Variants in CMTM4 observed in about 807,000 individuals in gnomAD.
CMTM4 encodes CKLF-like MARVEL transmembrane domain-containing protein 4.
CMTM4 carries 8 observed loss-of-function variants against 19.0 expected under a neutral mutation model. That is an observed-to-expected ratio of 0.42 (90% CI 0.25 to 0.76). The LOEUF (loss-of-function observed/expected upper bound fraction) is 0.76. Among genes scored for constraint, CMTM4 ranks in the 30% least tolerant of loss-of-function variants. The pLI is 0.27. For missense variants in CMTM4, 228 were observed against 290.2 expected, an observed-to-expected ratio of 0.79 and a Z score of 1.56; for synonymous variants, 106 against 121.1, an observed-to-expected ratio of 0.88 and a Z score of 0.82.
the CMTM4 span, among the ~76,000 whole-genome samples, chr16:66,601,501 GC>G: frequency 1.3e-5 from 2 of 152,154 alleles, no homozygotes; most frequent in Admixed American, 1.3e-4. Flanking sequence ...GGAAGTGTGA[GC>G]CCAGTTGATC....
chr16:66,651,450 C>T (rs1411070936), intron 1 of CMTM4, among the ~76,000 whole-genome samples: 1 of 152,196 alleles, frequency 6.6e-6, no homozygotes. Flanking sequence ...AAGGAAGCTA[C>T]AGGGCTCTGC....
At chr16:66,629,951 G>C (rs988083598) in intron 2 of CMTM4, among the ~76,000 whole-genome samples, 30 of 152,152 alleles carry the variant, frequency 2.0e-4, no homozygotes, top group African/African-American at 7.2e-4. Flanking sequence ...TTCCTGAGTT[G>C]TATCGTTTAA....
chr16:66,661,022 A>G (rs1394442960), intron 1 of CMTM4, among the ~76,000 whole-genome samples: 1 of 152,226 alleles, frequency 6.6e-6, no homozygotes, highest in East Asian at 1.9e-4. Context: ...ACAGGCATCT[A>G]CGAAACAGTC....
In CMTM4 at chr16:66,630,324, CCTCCCT is replaced by C. The variant is rs1344871923; in HGVS notation, c.363+6075_363+6080del. On this transcript the variant is annotated intron_variant, in intron 2 of 3. Coordinates refer to ENST00000394106, the MANE Select transcript of CMTM4 (RefSeq NM_181521.3). ...CCTCCCCCTCACCCTCCCCCTCCCCCCTCCCTCTCCCTCTCCCCACAGTCTCCCTCT... is the reference window on the plus strand; with the variant it reads ...CCTCCCCCTCACCCTCCCCCTCCCCCCTCCCTCTCCCCACAGTCTCCCTCT... Among the ~76,000 whole-genome samples, 815 of 105,238 alleles carry C rather than the reference CCTCCCT, an allele frequency of 7.7e-3. 10 individuals carry two copies. Among genetic ancestry groups the C allele is most frequent in the Middle Eastern group, 0.014 (3 of 218 alleles). 69.0% of individuals were successfully genotyped at this position (105,238 alleles called of 152,430 possible). A position where few individuals can be genotyped will look rare whatever the true frequency, so the allele number is the denominator to read the frequency against.
the CMTM4 span, among the ~76,000 whole-genome samples, chr16:66,600,338 T>C: frequency 2.0e-5 from 3 of 151,950 alleles, no homozygotes; most frequent in African/African-American, 7.3e-5. Context: ...AGAGACAGGG[T>C]TTCACCATGT....
intron 1 of CMTM4, 87 bp from the exon 2 acceptor site, chr16:66,636,668 GAAC>G: frequency 9.3e-7 from 1 of 1,076,820 alleles, no homozygotes; most frequent in Non-Finnish European, 1.4e-6. Flanking sequence ...ATATAACACT[GAAC>G]AACAACATAC....
At chr16:66,639,230 A>G (rs1033076597) in intron 1 of CMTM4, among the ~76,000 whole-genome samples, 1 of 152,134 alleles carries the variant, frequency 6.6e-6, no homozygotes, top group Admixed American at 6.5e-5. Context: ...CCTTTTTTTC[A>G]CCCCAGTAAT....
At position 66,619,918 on chromosome 16, in the gene CMTM4, T is replaced by C; in HGVS notation, c.*2140A>G. On this transcript the variant is annotated 3_prime_UTR_variant, in exon 4 of 4. Coordinates refer to ENST00000394106, the MANE Select transcript of CMTM4 (RefSeq NM_181521.3). ...GTGTCATCCTTTTTGGTCATTCATC[T>C]GCATTTAGTTTCAGTGACTTCAGAA... is the stretch of plus-strand genomic sequence containing the variant. 1 of 985,486 alleles carries C rather than the reference T, an allele frequency of 1.0e-6. No homozygotes were observed. The highest frequency in any genetic ancestry group is 4.7e-5 in the South Asian group (1 of 21,292). The allele number at this position is 985,486 out of a possible 1,614,324, so 61.0% of individuals were successfully genotyped here. A position where few individuals can be genotyped will look rare whatever the true frequency, so the allele number is the denominator to read the frequency against.
At position 66,619,115 on chromosome 16, in the gene CMTM4, A is replaced by G; in HGVS notation, c.*2943T>C. On this transcript the variant is annotated 3_prime_UTR_variant, in exon 4 of 4. Transcript: ENST00000394106. ...GTTCTTCCCAGCTTTATGTGGGGCCAACAAGTATCTCCAGCCTTTCATGAC... is the reference window on the plus strand; with the variant it reads ...GTTCTTCCCAGCTTTATGTGGGGCCGACAAGTATCTCCAGCCTTTCATGAC... 2 of 985,518 alleles carry G rather than the reference A, an allele frequency of 2.0e-6. No homozygotes were observed. The highest frequency in any genetic ancestry group is 4.7e-5 in the South Asian group (1 of 21,292). The allele number at this position is 985,518 out of a possible 1,614,324, so 61.0% of individuals were successfully genotyped here. A position where few individuals can be genotyped will look rare whatever the true frequency, so the allele number is the denominator to read the frequency against.
Position 66,618,635 on chromosome 16 carries a change from G to A in CMTM4, c.*3423C>T, listed in dbSNP as rs1267374711. Reference sequence around the variant, plus strand: ...TCATTCACTGCAAGCAAGAATTCACGTACATGAGTGCACAAAGGTGTTGGA... The same window carrying A: ...TCATTCACTGCAAGCAAGAATTCACATACATGAGTGCACAAAGGTGTTGGA... On this transcript the variant is annotated 3_prime_UTR_variant, in exon 4 of 4. Transcript: ENST00000394106. 5 of 985,364 alleles carry A rather than the reference G, an allele frequency of 5.1e-6. No individual in the cohort carries two copies. Among genetic ancestry groups the A allele is most frequent in the East Asian group, 1.1e-4 (1 of 8,830 alleles). 61.0% of individuals were successfully genotyped at this position (985,364 alleles called of 1,614,324 possible).
intron 1 of CMTM4, among the ~76,000 whole-genome samples, chr16:66,688,689 T>G (rs1381236641): frequency 6.6e-6 from 1 of 152,202 alleles, no homozygotes; most frequent in Non-Finnish European, 1.5e-5. Flanking sequence ...AAAACCTTGC[T>G]AGGATTTTGG....
At chr16:66,690,969 TAGC>T in intron 1 of CMTM4, among the ~76,000 whole-genome samples, 2 of 151,094 alleles carry the variant, frequency 1.3e-5, no homozygotes, top group South Asian at 4.2e-4. Context: ...AAAAAAAAAA[TAGC>T]AGGGCATAGT....
chr16:66,679,805 C>G (rs1335240099), intron 1 of CMTM4, among the ~76,000 whole-genome samples: 1 of 142,686 alleles, frequency 7.0e-6, no homozygotes, highest in African/African-American at 2.6e-5. Context: ...GCCTGGGTGA[C>G]AGTGCGAGAC....
chr16:66,660,387 C>CAA (rs34266604), intron 1 of CMTM4, among the ~76,000 whole-genome samples: 71 of 84,496 alleles, frequency 8.4e-4, no homozygotes, highest in Non-Finnish European at 9.8e-4. Context: ...GATCCTGTCT[C>CAA]AAAAAAAAAA....
intron 1 of CMTM4, among the ~76,000 whole-genome samples, chr16:66,645,161 G>A (rs917174689): frequency 3.3e-5 from 5 of 152,008 alleles, no homozygotes; most frequent in African/African-American, 1.2e-4. Context: ...GCAGGCGCCT[G>A]TAATCCCAAC....
At chr16:66,608,090 C>A in the CMTM4 span, among the ~76,000 whole-genome samples, 1 of 152,138 alleles carries the variant, frequency 6.6e-6, no homozygotes, top group African/African-American at 2.4e-5. This position sits in a 1 kb window ranked among gnomAD's most constrained non-coding sequence, Gnocchi z 5.1. Context: ...AAGCAATCCA[C>A]CTGCCTGGGC....
downstream of CMTM4, chr16:66,612,672 C>T (rs539159557): frequency 6.2e-7 from 1 of 1,610,182 alleles, no homozygotes; most frequent in Non-Finnish European, 8.5e-7. The surrounding 1 kb of genome is among the most constrained non-coding windows in gnomAD (Gnocchi z 6.0). Flanking sequence ...CTGAGCCACA[C>T]AGGCCTCCAC....
intron 1 of CMTM4, among the ~76,000 whole-genome samples, chr16:66,647,890 T>C (rs116641949): frequency 0.011 from 1,737 of 152,276 alleles, 34 homozygotes; most frequent in African/African-American, 0.037. Flanking sequence ...TGTGAAATCA[T>C]TTGATAAAAG....
chr16:66,621,986 C>T lies in CMTM4; in HGVS notation c.*72G>A, dbSNP rs1200052511. ...TCAACTGAATCACATGGAAATCTGACAGGACAAGGGAAAGAAAACTTGACT... is the reference window on the plus strand; with the variant it reads ...TCAACTGAATCACATGGAAATCTGATAGGACAAGGGAAAGAAAACTTGACT... On this transcript the variant is annotated 3_prime_UTR_variant, in exon 4 of 4. Transcript: ENST00000394106. 5.7e-5 allele frequency: 85 copies of T among 1,491,392 alleles called. No homozygotes were observed. The highest frequency in any genetic ancestry group is 1.4e-4 in the Admixed American group (6 of 41,478). The allele number at this position is 1,491,392 out of a possible 1,614,324, so 92.4% of individuals were successfully genotyped here.
Sources: gnomAD v4.1 joint callset for allele counts (sites outside exome capture counted in the v4.1 genomes callset) on GRCh38, gnomAD v4.1.1 for gene constraint, Gnocchi (gnomAD v3.1) non-coding constraint, MANE v1.5 for transcripts, NCBI Gene and HGNC (gene_info 2026-07-23, HGNC 2026-07-21) for gene names.